The following BICDL1 variants were observed in gnomAD, a reference collection of about 807,000 sequenced individuals.
BICDL1 encodes the protein BICD family-like cargo adapter 1.
A neutral mutation model predicts 76.8 loss-of-function variants in BICDL1; 20 were observed. The ratio of observed to expected loss-of-function variants is 0.26; its 90% CI spans 0.18 to 0.38. The LOEUF (loss-of-function observed/expected upper bound fraction) is 0.38. Among genes scored for constraint, BICDL1 ranks in the 10% least tolerant of loss-of-function variants. The probability of loss-of-function intolerance (pLI) is 1.00; values close to 1 mark genes in which losing one functional copy is unlikely to be tolerated. For missense variants in BICDL1, 700 were observed against 798.6 expected (o/e 0.88, Z 1.49); for synonymous variants, 383 against 337.1 (o/e 1.14, Z -1.49).
chr12:120,043,115 G>A (rs1347494254), intron 2 of BICDL1, among the ~76,000 whole-genome samples: 1 of 152,202 alleles, frequency 6.6e-6, no homozygotes, highest in Non-Finnish European at 1.5e-5. Context: ...ATGAAATGGG[G>A]TTAACAATGC....
intron 7 of BICDL1, among the ~76,000 whole-genome samples, chr12:120,076,357 T>G (rs1873549004): frequency 6.6e-6 from 1 of 152,208 alleles, no homozygotes; most frequent in Non-Finnish European, 1.5e-5. Context: ...TAATAAAAGT[T>G]TTGCTTATTT....
intron 2 of BICDL1, among the ~76,000 whole-genome samples, chr12:120,001,292 G>C (rs537219456): frequency 1.3e-5 from 2 of 152,018 alleles, no homozygotes; most frequent in African/African-American, 4.8e-5. Flanking sequence ...TGTCGCCCAG[G>C]CTGGAGTACA....
chr12:120,051,503 T>C (rs935526879), intron 2 of BICDL1, among the ~76,000 whole-genome samples: 2 of 152,098 alleles, frequency 1.3e-5, no homozygotes, highest in African/African-American at 4.8e-5. Context: ...TGTTTTTAAT[T>C]TTTTTTACTA....
At chr12:120,088,605 C>T (rs1874640515) in intron 8 of BICDL1, among the ~76,000 whole-genome samples, 1 of 152,100 alleles carries the variant, frequency 6.6e-6, no homozygotes, top group African/African-American at 2.4e-5. Flanking sequence ...GATCCTTCCA[C>T]CTTGGCCTCC....
intron 1 of BICDL1, among the ~76,000 whole-genome samples, chr12:119,997,825 TAAG>T (rs927582589): frequency 1.3e-5 from 2 of 151,504 alleles, no homozygotes; most frequent in African/African-American, 4.9e-5. Context: ...TTAAAAAAAG[TAAG>T]GAGGGGGTGG....
At chr12:120,076,242 C>T (rs571671619) in intron 7 of BICDL1, among the ~76,000 whole-genome samples, 3 of 152,184 alleles carry the variant, frequency 2.0e-5, no homozygotes, top group Non-Finnish European at 4.4e-5. Flanking sequence ...AACCTAAGTT[C>T]TTCAGCGGGT....
intron 1 of BICDL1, among the ~76,000 whole-genome samples, chr12:119,994,495 C>G (rs1009144554): frequency 9.3e-5 from 14 of 150,182 alleles, no homozygotes; most frequent in African/African-American, 3.4e-4. Context: ...TTTAAATAGA[C>G]TCTTTTTTTT....
At chr12:120,046,981 T>C (rs1243434769) in intron 2 of BICDL1, among the ~76,000 whole-genome samples, 3 of 152,246 alleles carry the variant, frequency 2.0e-5, no homozygotes, top group African/African-American at 7.2e-5. Flanking sequence ...TTGTCCTTTT[T>C]TCTTTTTCAA....
chr12:120,085,861 T>G (rs982121186), intron 8 of BICDL1, among the ~76,000 whole-genome samples: 6 of 150,940 alleles, frequency 4.0e-5, no homozygotes, highest in African/African-American at 1.5e-4. Flanking sequence ...TTGGTTACCT[T>G]CTCTCAGACA....
chr12:120,092,005 G>T (rs1473506443), intron 9 of BICDL1: 1 of 985,332 alleles, frequency 1.0e-6, no homozygotes, highest in African/African-American at 1.7e-5. Flanking sequence ...GGTCTTACCA[G>T]GATGCCGCAG....
intron 2 of BICDL1, among the ~76,000 whole-genome samples, chr12:120,041,878 C>A (rs11065003): frequency 0.13 from 20,176 of 152,114 alleles, 1,667 homozygotes; most frequent in East Asian, 0.4. Flanking sequence ...GATTGGGATG[C>A]AGGGAGGAAT....
At position 120,071,601 on chromosome 12, in the gene BICDL1, C is replaced by A; in HGVS notation, c.910-21C>A. The stretch of plus-strand genomic sequence containing the variant: ...GTTTTTGTGTTTGGTAAACCTCAAC[C>A]ATTTGCTCTTTCTTTGAAAGCTGCA... On this transcript the variant is annotated intron_variant, in intron 4 of 9. Coordinates refer to ENST00000548673, the MANE Select transcript of BICDL1 (RefSeq NM_001367886.1). This position sits in a 1 kb window ranked among gnomAD's most constrained non-coding sequence, Gnocchi z 4.8. The A allele has an allele frequency of 6.3e-7, 1 of 1,590,040 alleles. No individual in the cohort carries two copies. The highest frequency in any genetic ancestry group is 8.6e-7 in the Non-Finnish European group (1 of 1,167,854).
intron 2 of BICDL1, among the ~76,000 whole-genome samples, chr12:120,030,518 C>T (rs937146210): frequency 5.9e-5 from 9 of 152,236 alleles, no homozygotes; most frequent in African/African-American, 1.4e-4. Context: ...TGTGCATTTC[C>T]GTGATCAAAA....
At chr12:120,008,012 T>A (rs553362232) in intron 2 of BICDL1, among the ~76,000 whole-genome samples, 49 of 152,330 alleles carry the variant, frequency 3.2e-4, no homozygotes, top group African/African-American at 1.2e-3. Context: ...TTAGTCATCC[T>A]ATTCTAGAAA....
At chr12:120,069,828 A>G (rs1235694632) in intron 4 of BICDL1, among the ~76,000 whole-genome samples, 1 of 152,174 alleles carries the variant, frequency 6.6e-6, no homozygotes, top group Non-Finnish European at 1.5e-5. Flanking sequence ...TAAAAAGAAT[A>G]CTTGCCGCTT....
chr12:120,090,869 C>A lies in BICDL1; in HGVS notation c.1704+798C>A, dbSNP rs1004224102. The A allele has an allele frequency of 2.3e-6, 3 of 1,287,982 alleles. No individual in the cohort carries two copies. The Admixed American group carries it at 6.9e-5, about 30-fold the overall frequency. The allele number at this position is 1,287,982 out of a possible 1,614,324, so 79.8% of individuals were successfully genotyped here. On this transcript the variant is annotated intron_variant, in intron 9 of 9. Transcript: ENST00000548673. ...CCTGCATGGCAGCCAGCTGGCCGCGCCCTGGCTGACCGCTGCTCTCTCTCT... is the reference window on the plus strand; with the variant it reads ...CCTGCATGGCAGCCAGCTGGCCGCGACCTGGCTGACCGCTGCTCTCTCTCT...
chr12:119,990,020 A>G lies in BICDL1; in HGVS notation c.152A>G (p.Glu51Gly). 1 of 1,506,006 alleles carries G rather than the reference A, an allele frequency of 6.6e-7. No homozygotes were observed. Among genetic ancestry groups the G allele is most frequent in the Non-Finnish European group, 8.8e-7 (1 of 1,136,992 alleles). 93.3% of individuals were successfully genotyped at this position (1,506,006 alleles called of 1,614,324 possible). Residue 51 changes from glutamate to glycine, a missense_variant, in exon 1 of 10, where the codon GAG becomes GGG. Transcript: ENST00000548673. ...AALIFPGGSG[E>G]LELALEEELA... is the part of the protein sequence containing the mutation. The stretch of plus-strand genomic sequence containing the variant: ...CTCATCTTCCCCGGGGGCTCCGGGG[A>G]GCTAGAACTGGCGTTAGAGGAGGAG...
intron 3 of BICDL1, among the ~76,000 whole-genome samples, chr12:120,062,291 A>G (rs1466789413): frequency 6.6e-6 from 1 of 152,198 alleles, no homozygotes; most frequent in Non-Finnish European, 1.5e-5. Flanking sequence ...CAGTGATGTT[A>G]TTGGAACCAT....
intron 9 of BICDL1, chr12:120,092,245 T>A (rs1875034539): frequency 1.0e-6 from 1 of 985,346 alleles, no homozygotes; most frequent in African/African-American, 1.7e-5. Flanking sequence ...GCTGCTGTTC[T>A]GTAAAACATG....
Sources: allele counts gnomAD v4.1 joint callset (sites outside exome capture counted in the v4.1 genomes callset), GRCh38; gene constraint gnomAD v4.1.1; non-coding constraint Gnocchi (gnomAD v3.1); transcripts MANE v1.5; gene names NCBI Gene and HGNC (gene_info 2026-07-23, HGNC 2026-07-21).